The following ART3 variants were observed in gnomAD, a reference collection of about 807,000 sequenced individuals.
ART3 encodes the protein ADP-ribosyltransferase 3 (inactive).
A neutral mutation model predicts 48.5 loss-of-function variants in ART3; 49 were observed. The ratio of observed to expected loss-of-function variants is 1.01; its 90% CI spans 0.80 to 1.28. The LOEUF is 1.28. Ranked by LOEUF, ART3 falls within the 50% of genes most tolerant of loss-of-function variation. The pLI, the probability that ART3 is intolerant of heterozygous loss-of-function variation, is 0.00. For missense variants in ART3, 438 were observed against 454.3 expected (o/e 0.96, Z 0.33); for synonymous variants, 145 against 157.2 (o/e 0.92, Z 0.58).
At chr4:76,045,762 T>C (rs1285421531) in intron 1 of ART3, among the ~76,000 whole-genome samples, 1 of 151,960 alleles carries the variant, frequency 6.6e-6, no homozygotes, top group East Asian at 1.9e-4. Flanking sequence ...TGGGTTTCCT[T>C]GATTAGAGTA....
At chr4:76,062,621 T>C (rs1719339471) in intron 1 of ART3, among the ~76,000 whole-genome samples, 1 of 146,050 alleles carries the variant, frequency 6.8e-6, no homozygotes, top group African/African-American at 2.6e-5. Context: ...AGTGCAGTGG[T>C]GGGATCTCGG....
chr4:76,082,907 C>T (rs946802729), intron 3 of ART3, among the ~76,000 whole-genome samples: 1 of 152,046 alleles, frequency 6.6e-6, no homozygotes, highest in East Asian at 1.9e-4. Context: ...GACAGCCCCA[C>T]ACAACAAAGA....
chr4:76,100,648 A>AT, intron 6 of ART3, 147 bp from the exon 7 acceptor site: 1 of 926,874 alleles, frequency 1.1e-6, no homozygotes, highest in Non-Finnish European at 1.6e-6. Context: ...AAAAAAAAAA[A>AT]TTCTGGGGGC....
chr4:76,047,203 A>G (rs913731064), intron 1 of ART3, among the ~76,000 whole-genome samples: 4 of 152,008 alleles, frequency 2.6e-5, no homozygotes, highest in African/African-American at 4.8e-5. Flanking sequence ...AAGCCCTACC[A>G]GGTGATTGGC....
intron 1 of ART3, among the ~76,000 whole-genome samples, chr4:76,027,319 A>T (rs1733484993): frequency 6.6e-6 from 1 of 152,218 alleles, no homozygotes; most frequent in Admixed American, 6.5e-5. Flanking sequence ...GAAAATAAAT[A>T]ATGTGGAGGT....
chr4:76,030,217 C>A (rs1256078795), intron 1 of ART3, among the ~76,000 whole-genome samples: 1 of 152,176 alleles, frequency 6.6e-6, no homozygotes, highest in African/African-American at 2.4e-5. Context: ...CCACCATGCC[C>A]AGCTAATTTT....
At chr4:76,095,136 T>C (rs2149637378) in intron 3 of ART3, among the ~76,000 whole-genome samples, 1 of 152,336 alleles carries the variant, frequency 6.6e-6, no homozygotes, top group South Asian at 2.1e-4. Flanking sequence ...TTACTGCTAT[T>C]GAAAATGCTA....
At chr4:76,083,240 T>C (rs940240067) in intron 3 of ART3, among the ~76,000 whole-genome samples, 1 of 152,138 alleles carries the variant, frequency 6.6e-6, no homozygotes, top group African/African-American at 2.4e-5. Flanking sequence ...GCCCCACCTT[T>C]CCTCAATTTC....
At chr4:76,033,916 G>A (rs4583787) in intron 1 of ART3, 93,094 of 152,146 alleles carry the variant, frequency 0.61, 29,548 homozygotes, top group East Asian at 0.94. Context: ...TTGTATTTCA[G>A]ATGTGTCCAA....
chr4:76,094,038 A>G (rs1725490329), intron 3 of ART3, among the ~76,000 whole-genome samples: 1 of 152,204 alleles, frequency 6.6e-6, no homozygotes, highest in Non-Finnish European at 1.5e-5. Context: ...TTATAAGAAG[A>G]GGAAAGGAGA....
Position 76,022,429 on chromosome 4 carries a change from T to C in ART3, c.-10+11109T>C, listed in dbSNP as rs1732934439. ...CTTCGATTCTGGATTCAGACATCTC[T>C]TCTCACCCTTCTTTTTCATTGTAGC... On this transcript the variant is annotated intron_variant, in intron 1 of 9. Coordinates refer to the ART3 transcript ENST00000341029. 3 of 1,613,306 alleles carry C rather than the reference T, an allele frequency of 1.9e-6. No individual in the cohort carries two copies. In the African/African-American group the frequency reaches 4.0e-5, roughly 22 times the overall value.
intron 1 of ART3, among the ~76,000 whole-genome samples, chr4:76,061,722 T>C (rs1719235661): frequency 6.6e-6 from 1 of 152,230 alleles, no homozygotes; most frequent in East Asian, 1.9e-4. Context: ...TTCTTGAACA[T>C]GTGCTATGTA....
chr4:76,023,403 C>T (rs1733070876), intron 1 of ART3: 1 of 1,613,990 alleles, frequency 6.2e-7, no homozygotes, highest in Non-Finnish European at 8.5e-7. Context: ...AAAGATAAGG[C>T]AGCAAATCAG....
chr4:76,058,910 A>G (rs1718927196), intron 1 of ART3, among the ~76,000 whole-genome samples: 1 of 152,212 alleles, frequency 6.6e-6, no homozygotes, highest in Non-Finnish European at 1.5e-5. Context: ...GTGAAAGAAG[A>G]TTATGGATAG....
intron 1 of ART3, among the ~76,000 whole-genome samples, chr4:76,053,466 G>A (rs1460708811): frequency 1.3e-5 from 2 of 151,934 alleles, no homozygotes; most frequent in East Asian, 1.9e-4. Context: ...GCAAAGCACA[G>A]TATATAAATA....
Position 76,082,082 on chromosome 4 carries a change from C to G in ART3, c.328C>G (p.Pro110Ala). 4 of 1,614,194 alleles carry G rather than the reference C, an allele frequency of 2.5e-6. No homozygotes were observed. Among genetic ancestry groups the G allele is most frequent in the Non-Finnish European group, 3.4e-6 (4 of 1,180,042 alleles). Residue 110 changes from proline to alanine, a missense_variant, in exon 3 of 12, where the codon CCC (proline) becomes GCC (alanine). Pro to Ala is a conservative substitution (Grantham distance 27, BLOSUM62 -1). This residue lies in a region of ART3 where 206 missense variants were observed against 205.3 expected (regional missense o/e 1.00). Transcript: ENST00000355810. ...AYISEAQEQT[P>A]FYHLFSEAVK... ...TATTTCCGAAGCTCAAGAGCAAACT[C>G]CCTTTTACCATCTGTTCAGTGAAGC...
At chr4:76,037,013 T>C in intron 1 of ART3, 1 of 181,014 alleles carries the variant, frequency 5.5e-6, no homozygotes, top group South Asian at 1.2e-4. Flanking sequence ...ACATTCTTGG[T>C]CACCTTGTGG....
At chr4:76,078,985 G>A (rs965535065) in intron 2 of ART3, among the ~76,000 whole-genome samples, 15 of 152,144 alleles carry the variant, frequency 9.9e-5, no homozygotes, top group African/African-American at 3.6e-4. Flanking sequence ...GGAGGCTGAA[G>A]CGGGAGAATG....
chr4:76,110,398 A>G (rs1729262347), intron 11 of ART3, among the ~76,000 whole-genome samples: 1 of 152,148 alleles, frequency 6.6e-6, no homozygotes, highest in Admixed American at 6.6e-5. Flanking sequence ...ATTTTATATA[A>G]GGGACTTGAG....
Sources: gnomAD v4.1 joint callset for allele counts (sites outside exome capture counted in the v4.1 genomes callset) on GRCh38, gnomAD v4.1.1 for gene constraint, gnomAD v4.1.1 regional missense constraint, MANE v1.5 for transcripts, NCBI Gene and HGNC (gene_info 2026-07-23, HGNC 2026-07-21) for gene names.